The following DHX15 variants were observed in gnomAD, a reference collection of about 807,000 sequenced individuals.
DHX15 encodes ATP-dependent RNA helicase DHX15.
In DHX15, 11 loss-of-function variants were observed where a neutral mutation model predicts 94.4. The ratio of observed to expected loss-of-function variants is 0.12; its 90% CI spans 0.07 to 0.19. The LOEUF is 0.19. Ranked by LOEUF, DHX15 falls within the 10% of genes least tolerant of loss-of-function variation. DHX15 has a pLI of 1.00. For synonymous variants in DHX15, 338 were observed against 329.9 expected, an observed-to-expected ratio of 1.02 and a Z score of -0.27; for missense variants, 304 against 988.5, an observed-to-expected ratio of 0.31 and a Z score of 9.29.
chr4:24,554,997 CT>C, intron 4 of DHX15, 54 bp from the exon 5 acceptor site: 1 of 1,396,160 alleles, frequency 7.2e-7, no homozygotes, highest in Non-Finnish European at 1.0e-6. Context: ...CTTACATGGT[CT>C]TACAGTATAG....
At chr4:24,542,340 T>G (rs1721329853) in intron 7 of DHX15, among the ~76,000 whole-genome samples, 1 of 152,178 alleles carries the variant, frequency 6.6e-6, no homozygotes, top group Non-Finnish European at 1.5e-5. Context: ...CAGTCAAGGA[T>G]TCTGCCCGAA....
intron 3 of DHX15, among the ~76,000 whole-genome samples, chr4:24,562,366 A>G (rs996264267): frequency 6.6e-6 from 1 of 152,164 alleles, no homozygotes; most frequent in African/African-American, 2.4e-5. Flanking sequence ...AATTACATGG[A>G]GCGATGAGGA....
intron 1 of DHX15, among the ~76,000 whole-genome samples, chr4:24,580,145 C>T (rs374432725): frequency 6.6e-5 from 10 of 152,178 alleles, no homozygotes; most frequent in Admixed American, 2.6e-4. Context: ...TAGTGACTCA[C>T]GCATGTAATC....
At chr4:24,563,491 C>CA (rs1721928116) in intron 3 of DHX15, 1 of 152,118 alleles carries the variant, frequency 6.6e-6, no homozygotes, top group African/African-American at 2.4e-5. Context: ...TCCATGCAGC[C>CA]AAAAGAAGAT....
intron 6 of DHX15, among the ~76,000 whole-genome samples, chr4:24,546,570 G>A (rs759679743): frequency 3.9e-5 from 6 of 152,012 alleles, no homozygotes; most frequent in Non-Finnish European, 8.8e-5. Flanking sequence ...ATTATCAAGA[G>A]GTAAAAATAT....
intron 1 of DHX15, chr4:24,584,064 G>C (rs1722546027): frequency 3.9e-6 from 2 of 508,532 alleles, no homozygotes; most frequent in Admixed American, 4.1e-5. Context: ...GCCTGGGGGA[G>C]GAGGCGCCCT....
intron 3 of DHX15, among the ~76,000 whole-genome samples, chr4:24,566,807 CAGATG>C (rs1722004793): frequency 1.3e-5 from 2 of 152,200 alleles, no homozygotes; most frequent in Non-Finnish European, 2.9e-5. Context: ...GCCTGAGTGA[CAGATG>C]AGATGAGACT....
Position 24,537,238 on chromosome 4 carries a change from G to A in DHX15, c.1787-65C>T, listed in dbSNP as rs1267430601. Reference sequence around the variant, plus strand: ...TCGATGAGTCACGCATTCACAGATAGAGGAACAAGGCCTAGCTAGGTCAGT... The same window carrying A: ...TCGATGAGTCACGCATTCACAGATAAAGGAACAAGGCCTAGCTAGGTCAGT... On this transcript the variant is annotated intron_variant, in intron 10 of 13. Coordinates refer to ENST00000336812, the MANE Select transcript of DHX15 (RefSeq NM_001358.3). This position sits in a 1 kb window ranked among gnomAD's most constrained non-coding sequence, Gnocchi z 4.7. The A allele has an allele frequency of 1.2e-6, 2 of 1,602,708 alleles. No individual in the cohort carries two copies. Among genetic ancestry groups the A allele is most frequent in the South Asian group, 1.1e-5 (1 of 89,652 alleles).
Position 24,581,940 on chromosome 4 carries a change from G to C in DHX15, c.71+2383C>G, listed in dbSNP as rs192496335. ...AGTAAATAAAGCCTTATATAGTTTGGGAGCATTAATATAAGTGAAATCTCC... is the reference window on the plus strand; with the variant it reads ...AGTAAATAAAGCCTTATATAGTTTGCGAGCATTAATATAAGTGAAATCTCC... On this transcript the variant is annotated intron_variant, in intron 1 of 13. Coordinates refer to ENST00000336812, the MANE Select transcript of DHX15 (RefSeq NM_001358.3). Among the ~76,000 whole-genome samples, 687 of 152,166 alleles carry C rather than the reference G, an allele frequency of 4.5e-3. 3 individuals carry two copies. The highest frequency in any genetic ancestry group is 0.024 in the Middle Eastern group (7 of 292).
At chr4:24,550,145 T>C (rs1721561698) in intron 5 of DHX15, among the ~76,000 whole-genome samples, 1 of 112,778 alleles carries the variant, frequency 8.9e-6, no homozygotes, top group Non-Finnish European at 1.8e-5. Flanking sequence ...AGTACACTCA[T>C]ATAGGGCATC....
intron 6 of DHX15, among the ~76,000 whole-genome samples, chr4:24,547,909 A>ATC (rs1447942034): frequency 0.19 from 16,030 of 83,310 alleles, 1,545 homozygotes; most frequent in Middle Eastern, 0.36. Context: ...ATGTGTATAT[A>ATC]TATATATATA....
chr4:24,550,120 A>C (rs1224851822), intron 5 of DHX15, among the ~76,000 whole-genome samples: 1 of 139,038 alleles, frequency 7.2e-6, no homozygotes, highest in South Asian at 2.4e-4. Flanking sequence ...AAAAAAAAAA[A>C]AAACGGTAAA....
At chr4:24,547,788 TA>T (rs768863797) in intron 6 of DHX15, among the ~76,000 whole-genome samples, 2,679 of 136,806 alleles carry the variant, frequency 0.02, 48 homozygotes, top group Admixed American at 0.027. Flanking sequence ...CCATGTTGTT[TA>T]AAAAAAAAAA....
chr4:24,580,887 T>C (rs1005243293), intron 1 of DHX15: 5 of 152,098 alleles, frequency 3.3e-5, no homozygotes, highest in African/African-American at 9.7e-5. Flanking sequence ...AATACGTATG[T>C]ATAAGGATGT....
At chr4:24,576,753 G>C in intron 1 of DHX15, 75 bp from the exon 2 acceptor site, 4 of 1,542,058 alleles carry the variant, frequency 2.6e-6, no homozygotes, top group Non-Finnish European at 3.5e-6. Flanking sequence ...ATCACAAAGA[G>C]AGTAAATGTC....
intron 1 of DHX15, among the ~76,000 whole-genome samples, chr4:24,582,253 C>T (rs1168773200): frequency 6.6e-6 from 1 of 152,200 alleles, no homozygotes; most frequent in African/African-American, 2.4e-5. Context: ...TTTCTTATAA[C>T]TTGGGCATTA....
chr4:24,528,064 A>T lies in DHX15; in HGVS notation c.2271-23T>A. On this transcript the variant is annotated intron_variant, in intron 13 of 13. Transcript: ENST00000336812. ...AACCTGTTTAGAAGTGGGCAGAAAA[A>T]TTTCCAAATTAACATTTAATTGAAG... 1.9e-6 allele frequency: 3 copies of T among 1,558,262 alleles called. No individual in the cohort carries two copies. In the South Asian group the frequency reaches 3.3e-5, roughly 17 times the overall value.
At chr4:24,561,843 C>G in intron 3 of DHX15, among the ~76,000 whole-genome samples, 1 of 152,088 alleles carries the variant, frequency 6.6e-6, no homozygotes, top group East Asian at 1.9e-4. Context: ...GCTTATTACC[C>G]GAGTAACAAA....
chr4:24,535,036 T>C (rs1007653275), intron 11 of DHX15, among the ~76,000 whole-genome samples: 3 of 151,712 alleles, frequency 2.0e-5, no homozygotes, highest in Admixed American at 6.6e-5. Context: ...CTTTAACTAA[T>C]AAGGACAGCT....
Sources: gnomAD v4.1 joint callset for allele counts (sites outside exome capture counted in the v4.1 genomes callset) on GRCh38, gnomAD v4.1.1 for gene constraint, Gnocchi (gnomAD v3.1) non-coding constraint, MANE v1.5 for transcripts, NCBI Gene and HGNC (gene_info 2026-07-23, HGNC 2026-07-21) for gene names.